GFOD1: variants seen among roughly 807,000 people sequenced by gnomAD.
The protein encoded by GFOD1 is Gfo/Idh/MocA-like oxidoreductase domain containing 1.
GFOD1 carries 9 observed loss-of-function variants against 25.4 expected under a neutral mutation model. The observed-to-expected ratio is 0.35, with a 90% CI of 0.21 to 0.62. The LOEUF (loss-of-function observed/expected upper bound fraction) is 0.62. GFOD1 is among the 20% of genes least tolerant of loss of function. The probability of loss-of-function intolerance (pLI) is 0.72; values close to 1 mark genes in which losing one functional copy is unlikely to be tolerated. For synonymous variants in GFOD1, 253 were observed against 245.6 expected, an observed-to-expected ratio of 1.03 and a Z score of -0.28; for missense variants, 403 against 556.9, an observed-to-expected ratio of 0.72 and a Z score of 2.78.
chr6:13,428,100 G>A lies in GFOD1; in HGVS notation c.253+58538C>T, dbSNP rs1315873528. On this transcript the variant is annotated intron_variant, in intron 1 of 1. Transcript: ENST00000379287. ...AGACTCACAGGTCTAAGCATCCTGGGCACCACAGAGATAGGAAAGTCCATG... is the reference window on the plus strand; with the variant it reads ...AGACTCACAGGTCTAAGCATCCTGGACACCACAGAGATAGGAAAGTCCATG... Among the ~76,000 whole-genome samples, 4 of 152,164 alleles carry A rather than the reference G, an allele frequency of 2.6e-5. 1 individual carries two copies. The highest frequency in any genetic ancestry group is 1.9e-4 in the East Asian group (1 of 5,202).
At chr6:13,426,636 A>G (rs1487447521) in intron 1 of GFOD1, among the ~76,000 whole-genome samples, 1 of 152,160 alleles carries the variant, frequency 6.6e-6, no homozygotes, top group Non-Finnish European at 1.5e-5. Flanking sequence ...GGTGAGGTCC[A>G]GGGAGCACCT....
Position 13,365,439 on chromosome 6 carries a change from C to G in GFOD1, c.477G>C (p.Lys159Asn), listed in dbSNP as rs781078949. The G allele has an allele frequency of 1.2e-6, 2 of 1,613,806 alleles. No individual in the cohort carries two copies. Among genetic ancestry groups the G allele is most frequent in the African/African-American group, 2.7e-5 (2 of 74,942 alleles). The change falls in exon 2 of 2, where the codon AAG (lysine) becomes AAC (asparagine). Residue 159 changes from lysine (K) to asparagine (N), a missense_variant. By Grantham distance (94) the Lys-to-Asn change is moderately conservative. Transcript: ENST00000379287. The surrounding 1 kb of genome is among the most constrained non-coding windows in gnomAD (Gnocchi z 9.2). ...TCAAGTCGTCGCAGCTCCAGTTGTA[C>G]TTCTTGCCCAGCAGGCTGCCGCCGT... ...QVHGGSLLGK[K>N]YNWSCDDLMG...
chr6:13,387,221 A>C (rs1562201067), intron 1 of GFOD1, among the ~76,000 whole-genome samples: 1 of 152,214 alleles, frequency 6.6e-6, no homozygotes, highest in Non-Finnish European at 1.5e-5. Flanking sequence ...TCCAAGCAGC[A>C]ACATAGAGCA....
At chr6:13,380,703 T>C (rs184267285) in intron 1 of GFOD1, among the ~76,000 whole-genome samples, 5 of 152,320 alleles carry the variant, frequency 3.3e-5, no homozygotes, top group African/African-American at 9.6e-5. Flanking sequence ...TAGCTAGCTA[T>C]GCAAGGCTGT....
chr6:13,438,839 C>T (rs9474197), intron 1 of GFOD1, among the ~76,000 whole-genome samples: 1,525 of 152,258 alleles, frequency 0.01, 21 homozygotes, highest in African/African-American at 0.035. Flanking sequence ...ATAAGTGAAT[C>T]TGTACTGGAG....
chr6:13,422,707 C>T (rs1257154014), intron 1 of GFOD1, among the ~76,000 whole-genome samples: 1 of 152,178 alleles, frequency 6.6e-6, no homozygotes, highest in African/African-American at 2.4e-5. Flanking sequence ...AGTAGGAAGC[C>T]TGTGTTCACC....
chr6:13,400,552 T>C (rs143439352), intron 1 of GFOD1, among the ~76,000 whole-genome samples: 1 of 152,268 alleles, frequency 6.6e-6, no homozygotes, highest in Admixed American at 6.5e-5. Context: ...TTTATCCTTT[T>C]TGAACAATTT....
chr6:13,364,318 A>C lies in GFOD1; in HGVS notation c.*425T>G. 5.7e-6 allele frequency: 1 copy of C among 176,486 alleles called. No individual in the cohort carries two copies. The highest frequency in any genetic ancestry group is 1.2e-5 in the Non-Finnish European group (1 of 82,562). 10.9% of individuals were successfully genotyped at this position (176,486 alleles called of 1,614,324 possible). On this transcript the variant is annotated 3_prime_UTR_variant, in exon 2 of 2. Transcript: ENST00000379287. This position sits in a 1 kb window ranked among gnomAD's most constrained non-coding sequence, Gnocchi z 4.1. ...GGGCCTTCTCCTGCCAGCAGTGGGTATCCCGGGCACTGAGCTTGCCATCTG... is the reference window on the plus strand; with the variant it reads ...GGGCCTTCTCCTGCCAGCAGTGGGTCTCCCGGGCACTGAGCTTGCCATCTG...
chr6:13,469,379 C>T, intron 1 of GFOD1: 3 of 985,284 alleles, frequency 3.0e-6, no homozygotes, highest in Non-Finnish European at 3.6e-6. Flanking sequence ...AATTTTTTAA[C>T]ATCCTGTGGG....
At chr6:13,399,973 AAT>A (rs1785810475) in intron 1 of GFOD1, among the ~76,000 whole-genome samples, 1 of 152,218 alleles carries the variant, frequency 6.6e-6, no homozygotes, top group African/African-American at 2.4e-5. Flanking sequence ...TGGGGAAGCC[AAT>A]ACATCATTTC....
At chr6:13,435,213 C>T (rs1309585160) in intron 1 of GFOD1, among the ~76,000 whole-genome samples, 1 of 152,172 alleles carries the variant, frequency 6.6e-6, no homozygotes, top group Non-Finnish European at 1.5e-5. Context: ...CAGCAGAGAA[C>T]CCTTGAAGAG....
rs977670139 is a variant in GFOD1 at position 13,363,867 on chromosome 6, A to T, written c.*876T>A. 1 of 152,170 alleles carries T rather than the reference A, an allele frequency of 6.6e-6. No individual in the cohort carries two copies. Among genetic ancestry groups the T allele is most frequent in the African/African-American group, 2.4e-5 (1 of 41,434 alleles). 9.4% of individuals were successfully genotyped at this position (152,170 alleles called of 1,614,324 possible). On this transcript the variant is annotated 3_prime_UTR_variant, in exon 2 of 2. Transcript: ENST00000379287. ...GCCTGGAGAGCCACGTGGCAGGGCT[A>T]CCTTAACACCGCAGTAATCCCTCTG...
chr6:13,451,222 G>A (rs1758091426), intron 1 of GFOD1, among the ~76,000 whole-genome samples: 1 of 152,184 alleles, frequency 6.6e-6, no homozygotes, highest in Non-Finnish European at 1.5e-5. Context: ...ACTAAGTCTG[G>A]CCTTGAAAAC....
At chr6:13,446,525 G>A (rs915733100) in intron 1 of GFOD1, among the ~76,000 whole-genome samples, 3 of 152,160 alleles carry the variant, frequency 2.0e-5, no homozygotes, top group East Asian at 1.9e-4. Flanking sequence ...TGGTGAAGCC[G>A]GGAGAGTCTG....
At chr6:13,460,379 C>G (rs1758270988) in intron 1 of GFOD1, among the ~76,000 whole-genome samples, 1 of 152,168 alleles carries the variant, frequency 6.6e-6, no homozygotes, top group South Asian at 2.1e-4. Flanking sequence ...TACTGCAACA[C>G]TATTCACAAT....
rs477353 is a variant in GFOD1, at chr6:13,358,714, C to T, written c.*6029G>A. ...TGGTGGCTGCAGGGGACAGTAGAGA[C>T]CTGGAAGGGGAAGGAGAGAGACAGT... On this transcript the variant is annotated 3_prime_UTR_variant, in exon 2 of 2. Coordinates refer to ENST00000379287, the MANE Select transcript of GFOD1 (RefSeq NM_018988.4). 0.45 allele frequency: 69,035 copies of T among 152,230 alleles called. 18,113 individuals carry two copies. Among genetic ancestry groups the T allele is most frequent in the Admixed American group, 0.61 (9,266 of 15,286 alleles). 9.4% of individuals were successfully genotyped at this position (152,230 alleles called of 1,614,324 possible).
intron 1 of GFOD1, chr6:13,470,000 T>C: frequency 7.5e-7 from 1 of 1,331,046 alleles, no homozygotes; most frequent in Non-Finnish European, 1.0e-6. Context: ...ATATCTTATA[T>C]GCCTTTGACC....
intron 1 of GFOD1, among the ~76,000 whole-genome samples, chr6:13,423,542 G>A (rs1786296563): frequency 6.6e-6 from 1 of 152,352 alleles, no homozygotes. Context: ...CATGCGCAAA[G>A]CTCGAGGCAA....
At chr6:13,439,474 A>G (rs1007524534) in intron 1 of GFOD1, among the ~76,000 whole-genome samples, 6 of 152,230 alleles carry the variant, frequency 3.9e-5, no homozygotes, top group African/African-American at 1.4e-4. Context: ...TTTGCACTTC[A>G]GAAGTTTTCT....
Sources: gnomAD v4.1 joint callset for allele counts (sites outside exome capture counted in the v4.1 genomes callset) on GRCh38, gnomAD v4.1.1 for gene constraint, Gnocchi (gnomAD v3.1) non-coding constraint, MANE v1.5 for transcripts, NCBI Gene and HGNC (gene_info 2026-07-23, HGNC 2026-07-21) for gene names.